Variants in CFL2 observed in about 807,000 individuals in gnomAD.
CFL2 encodes cofilin-2.
A neutral mutation model predicts 19.6 loss-of-function variants in CFL2; 10 were observed. The ratio of observed to expected loss-of-function variants is 0.51; its 90% confidence interval spans 0.31 to 0.86. The LOEUF (loss-of-function observed/expected upper bound fraction) is 0.86, where lower values mean the gene tolerates loss of function less well. Among genes scored for constraint, CFL2 ranks in the 40% least tolerant of loss-of-function variants. CFL2 has a pLI of 0.04. For synonymous variants in CFL2, 63 were observed against 66.7 expected (o/e 0.95, Z 0.27); for missense variants, 125 against 192.1 (o/e 0.65, Z 2.06).
intron 1 of CFL2, chr14:34,713,870 A>G: frequency 6.8e-7 from 1 of 1,476,622 alleles, no homozygotes. Context: ...GAGTGGCAGC[A>G]AAAATACCTT....
chr14:34,710,453 C>G lies in CFL2; in HGVS notation c.*2412G>C, dbSNP rs1250292203. On this transcript the variant is annotated 3_prime_UTR_variant, in exon 4 of 4. Transcript: ENST00000298159. ...ACATCTCAACAGCTTTACATATTTT[C>G]ATATATTTTATTTTTTAAACTCTCA... The G allele has an allele frequency of 2.4e-6, 1 of 422,460 alleles. No individual in the cohort carries two copies. Among genetic ancestry groups the G allele is most frequent in the Non-Finnish European group, 4.6e-6 (1 of 216,078 alleles). 26.2% of individuals were successfully genotyped at this position (422,460 alleles called of 1,614,324 possible).
At chr14:34,713,625 T>G in intron 1 of CFL2, 64 bp from the exon 2 acceptor site, 2 of 1,613,986 alleles carry the variant, frequency 1.2e-6, no homozygotes, top group Non-Finnish European at 1.7e-6. Flanking sequence ...AATTACTGTT[T>G]GCCTAGAGAA....
At chr14:34,713,907 TAAAA>T in intron 1 of CFL2, 1 of 1,223,768 alleles carries the variant, frequency 8.2e-7, no homozygotes, top group South Asian at 1.6e-5. Context: ...CGGCTGGCCT[TAAAA>T]AAACACTTTT....
At chr14:34,714,337 G>T in intron 1 of CFL2, 2 of 705,268 alleles carry the variant, frequency 2.8e-6, no homozygotes, top group Non-Finnish European at 3.9e-6. Context: ...GGCCCTCCCC[G>T]CCCCCCAAAA....
In CFL2 at chr14:34,710,421, A is replaced by T; in HGVS notation, c.*2444T>A. 2.6e-6 allele frequency: 1 copy of T among 379,684 alleles called. No individual in the cohort carries two copies. The highest frequency in any genetic ancestry group is 5.2e-6 in the Non-Finnish European group (1 of 194,080). 23.5% of individuals were successfully genotyped at this position (379,684 alleles called of 1,614,324 possible). ...TAAACTTTTAATGTTCTGAAGTATA[A>T]GTAAACACATCTCAACAGCTTTACA... is the stretch of plus-strand genomic sequence containing the variant. On this transcript the variant is annotated 3_prime_UTR_variant, in exon 4 of 4. Transcript: ENST00000298159.
rs1337643390 is a variant in CFL2 at position 34,711,040 on chromosome 14, A to T, written c.*1825T>A. 2 of 454,132 alleles carry T rather than the reference A, an allele frequency of 4.4e-6. No homozygotes were observed. The highest frequency in any genetic ancestry group is 1.4e-4 in the East Asian group (2 of 14,402). The allele number at this position is 454,132 out of a possible 1,614,324, so 28.1% of individuals were successfully genotyped here. On this transcript the variant is annotated 3_prime_UTR_variant, in exon 4 of 4. Coordinates refer to ENST00000298159, the MANE Select transcript of CFL2 (RefSeq NM_138638.5). ...GCCTGAAATAAAATTGCTCAGTGCA[A>T]AAAGATCCCAAACCATTCATATAAT...
In CFL2 at chr14:34,710,036, T is replaced by G. The variant is rs1219048762; in HGVS notation, c.*2829A>C. 6.5e-6 allele frequency: 1 copy of G among 152,814 alleles called. No individual in the cohort carries two copies. Among genetic ancestry groups the G allele is most frequent in the Non-Finnish European group, 1.5e-5 (1 of 68,514 alleles). 9.5% of individuals were successfully genotyped at this position (152,814 alleles called of 1,614,324 possible). On this transcript the variant is annotated 3_prime_UTR_variant, in exon 4 of 4. Coordinates refer to ENST00000298159, the MANE Select transcript of CFL2 (RefSeq NM_138638.5). Reference sequence around the variant, plus strand: ...AGATTATTCCTTAACAAGAAAACACTTTTAAAAGAATTTCCTCCCAAAGCT... The same window carrying G: ...AGATTATTCCTTAACAAGAAAACACGTTTAAAAGAATTTCCTCCCAAAGCT...
At chr14:34,714,296 G>T in intron 1 of CFL2, 1 of 429,658 alleles carries the variant, frequency 2.3e-6, no homozygotes, top group South Asian at 3.9e-5. Flanking sequence ...CCGCCCGCCC[G>T]GCCCCGACCC....
chr14:34,714,471 C>T, intron 1 of CFL2, 67 bp downstream of exon 1: 1 of 1,526,280 alleles, frequency 6.6e-7, no homozygotes, highest in Non-Finnish European at 8.8e-7. Context: ...GGCGGCCTCA[C>T]TCCCGGGGCC....
Position 34,712,137 on chromosome 14 carries a change from A to G in CFL2, c.*728T>C, listed in dbSNP as rs987231689. ...TGCCATCATGACTGATATTCAAAAT[A>G]TCTTTAGTGTTGCAGGACTCACATG... On this transcript the variant is annotated 3_prime_UTR_variant, in exon 4 of 4. Coordinates refer to ENST00000298159, the MANE Select transcript of CFL2 (RefSeq NM_138638.5). The G allele has an allele frequency of 2.2e-6, 1 of 454,434 alleles. No homozygotes were observed. Among genetic ancestry groups the G allele is most frequent in the African/African-American group, 2.0e-5 (1 of 50,002 alleles). The allele number at this position is 454,434 out of a possible 1,614,324, so 28.2% of individuals were successfully genotyped here. A position where few individuals can be genotyped will look rare whatever the true frequency, so the allele number is the denominator to read the frequency against.
intron 3 of CFL2, 33 bp downstream of exon 3, chr14:34,713,027 T>C: frequency 1.3e-6 from 2 of 1,550,898 alleles, no homozygotes; most frequent in Non-Finnish European, 1.8e-6. Context: ...TAATAAAGAA[T>C]AATTTCTCTG....
rs1205033952 is a variant in CFL2 at position 34,713,722 on chromosome 14, G to C, written c.4-161C>G. ...TGTCACATTTTAAGAATCAGTAGAC[G>C]ATACAGCGAAGGAGTCTAACTCATC... On this transcript the variant is annotated intron_variant, in intron 1 of 3. Coordinates refer to ENST00000298159, the MANE Select transcript of CFL2 (RefSeq NM_138638.5). The C allele has an allele frequency of 2.5e-6, 4 of 1,612,156 alleles. No individual in the cohort carries two copies. The African/African-American group carries it at 4.0e-5, about 16-fold the overall frequency.
In CFL2 at chr14:34,710,288, C is replaced by CA; in HGVS notation, c.*2576dup. 1 of 240,282 alleles carries CA rather than the reference C, an allele frequency of 4.2e-6. No individual in the cohort carries two copies. Among genetic ancestry groups the CA allele is most frequent in the East Asian group, 1.2e-4 (1 of 8,488 alleles). 14.9% of individuals were successfully genotyped at this position (240,282 alleles called of 1,614,324 possible). A position where few individuals can be genotyped will look rare whatever the true frequency, so the allele number is the denominator to read the frequency against. ...TGCTAAAATTAATTGCTGTAACACTCAGTTTTTAAAGAAAATTGTTATTGA... is the reference window on the plus strand; with the variant it reads ...TGCTAAAATTAATTGCTGTAACACTCAAGTTTTTAAAGAAAATTGTTATTGA... On this transcript the variant is annotated 3_prime_UTR_variant, in exon 4 of 4. Transcript: ENST00000298159.
In CFL2 at chr14:34,713,311, T is replaced by C; in HGVS notation, c.254A>G (p.Tyr85Cys). The C allele has an allele frequency of 6.2e-7, 1 of 1,614,094 alleles. No individual in the cohort carries two copies. The highest frequency in any genetic ancestry group is 8.5e-7 in the Non-Finnish European group (1 of 1,179,968). Reference sequence around the variant, plus strand: ...CTCTTTTGTTTCGTATGTGGCATCGTACAAAGCATATCGGCAATCATTCAG... The same window carrying C: ...CTCTTTTGTTTCGTATGTGGCATCGCACAAAGCATATCGGCAATCATTCAG... ...LPLNDCRYALYDATYETKESK... is the reference protein window; with the variant it reads ...LPLNDCRYALCDATYETKESK... Residue 85 changes from tyrosine to cysteine, a missense_variant, in exon 2 of 4, where the codon TAC becomes TGC. Physicochemically the swap from Tyr to Cys is radical, Grantham distance 194 (BLOSUM62 -2). Transcript: ENST00000298159.
chr14:34,714,304 C>A (rs78458323), intron 1 of CFL2: 2 of 574,444 alleles, frequency 3.5e-6, no homozygotes, highest in Non-Finnish European at 5.4e-6. Context: ...CCGGCCCCGA[C>A]CCCCAACCTG....
Position 34,710,675 on chromosome 14 carries a change from G to A in CFL2, c.*2190C>T, listed in dbSNP as rs967465165. On this transcript the variant is annotated 3_prime_UTR_variant, in exon 4 of 4. Coordinates refer to ENST00000298159, the MANE Select transcript of CFL2 (RefSeq NM_138638.5). The stretch of plus-strand genomic sequence containing the variant: ...CTCTTTTTTTGGCTCTACGCACAAA[G>A]ATGTATTTCAAAGATGAACTTAATT... The A allele has an allele frequency of 2.2e-6, 1 of 449,180 alleles. No homozygotes were observed. The highest frequency in any genetic ancestry group is 4.4e-6 in the Non-Finnish European group (1 of 225,364). The allele number at this position is 449,180 out of a possible 1,614,324, so 27.8% of individuals were successfully genotyped here.
intron 1 of CFL2, chr14:34,714,189 C>A (rs1885415757): frequency 1.1e-5 from 4 of 376,982 alleles, no homozygotes; most frequent in Non-Finnish European, 1.9e-5. Flanking sequence ...GCGTTCGCAG[C>A]ACGTACCAAT....
Position 34,712,686 on chromosome 14 carries a change from G to C in CFL2, c.*179C>G, listed in dbSNP as rs1460525688. The C allele has an allele frequency of 7.2e-6, 5 of 693,180 alleles. No individual in the cohort carries two copies. Among genetic ancestry groups the C allele is most frequent in the East Asian group, 2.8e-5 (1 of 36,324 alleles). The allele number at this position is 693,180 out of a possible 1,614,324, so 42.9% of individuals were successfully genotyped here. A position where few individuals can be genotyped will look rare whatever the true frequency, so the allele number is the denominator to read the frequency against. ...TATATAAAAGTAACAGTATTCAACAGTCTAATGGCAATCACTGATAGGCTG... is the reference window on the plus strand; with the variant it reads ...TATATAAAAGTAACAGTATTCAACACTCTAATGGCAATCACTGATAGGCTG... On this transcript the variant is annotated 3_prime_UTR_variant, in exon 4 of 4. Coordinates refer to ENST00000298159, the MANE Select transcript of CFL2 (RefSeq NM_138638.5).
Position 34,709,156 on chromosome 14 carries a change from C to T in CFL2, c.*3709G>A, listed in dbSNP as rs545836053. 9 of 152,064 alleles carry T rather than the reference C, an allele frequency of 5.9e-5. No homozygotes were observed. The highest frequency in any genetic ancestry group is 2.2e-4 in the African/African-American group (9 of 41,482). 9.4% of individuals were successfully genotyped at this position (152,064 alleles called of 1,614,324 possible). On this transcript the variant is annotated 3_prime_UTR_variant, in exon 4 of 4. Coordinates refer to ENST00000298159, the MANE Select transcript of CFL2 (RefSeq NM_138638.5). ...CATTTAATATTTATCTACTTACATACAGTAATTAAGAATGAATAGTTTAAA... is the reference window on the plus strand; with the variant it reads ...CATTTAATATTTATCTACTTACATATAGTAATTAAGAATGAATAGTTTAAA...
Sources: allele counts gnomAD v4.1 joint callset, GRCh38; gene constraint gnomAD v4.1.1; transcripts MANE v1.5; gene names NCBI Gene and HGNC (gene_info 2026-07-23, HGNC 2026-07-21).